The following PWWP3A variants were observed in gnomAD, a reference collection of about 807,000 sequenced individuals.
The protein encoded by PWWP3A is PWWP domain containing 3A, DNA repair factor.
Under a neutral mutation model 79.0 loss-of-function variants are expected in PWWP3A, and 53 were observed. That is an observed-to-expected ratio of 0.67 (90% CI 0.54 to 0.84). The LOEUF (loss-of-function observed/expected upper bound fraction) is 0.84, where lower values mean the gene tolerates loss of function less well. PWWP3A is among the 40% of genes least tolerant of loss of function. PWWP3A has a pLI of 0.00. For synonymous variants in PWWP3A, 443 were observed against 394.4 expected (o/e 1.12, Z -1.46); for missense variants, 973 against 948.0 (o/e 1.03, Z -0.35).
chr19:1,356,477 G>A, intron 2 of PWWP3A, 28 bp downstream of exon 2: 1 of 1,610,652 alleles, frequency 6.2e-7, no homozygotes, highest in Admixed American at 1.7e-5. Context: ...GTAACTTCAG[G>A]ACTTAGAAAT....
intron 13 of PWWP3A, among the ~76,000 whole-genome samples, chr19:1,375,807 T>A (rs1376680122): frequency 1.8e-5 from 1 of 54,366 alleles, no homozygotes; most frequent in Non-Finnish European, 4.0e-5. Flanking sequence ...TATGTATTTA[T>A]TTATTTTTTT....
At chr19:1,362,933 A>G (rs2082051545) in intron 6 of PWWP3A, among the ~76,000 whole-genome samples, 1 of 152,366 alleles carries the variant, frequency 6.6e-6, no homozygotes, top group East Asian at 1.9e-4. Flanking sequence ...TTCGCAAACC[A>G]AGTCACAAGA....
At chr19:1,374,986 C>T (rs759186473) in intron 13 of PWWP3A, among the ~76,000 whole-genome samples, 31 of 151,612 alleles carry the variant, frequency 2.0e-4, no homozygotes, top group Admixed American at 4.0e-4. Context: ...TTTGGGAGGC[C>T]GAGGCAGGTG....
chr19:1,357,929 T>G (rs2081918118), intron 3 of PWWP3A: 2 of 163,432 alleles, frequency 1.2e-5, no homozygotes, highest in Admixed American at 6.2e-5. Flanking sequence ...GAGCTGCCTC[T>G]GAAGCTCGCT....
intron 3 of PWWP3A, chr19:1,357,941 G>C (rs971137963): frequency 6.1e-6 from 1 of 163,936 alleles, no homozygotes; most frequent in African/African-American, 2.4e-5. Flanking sequence ...AAGCTCGCTT[G>C]GTCCCTAGCT....
At position 1,376,818 on chromosome 19, in the gene PWWP3A, G is replaced by GT. The variant is rs2082413503; in HGVS notation, c.*244dup. 2.3e-6 allele frequency: 1 copy of GT among 443,272 alleles called. No homozygotes were observed. Among genetic ancestry groups the GT allele is most frequent in the Admixed American group, 4.1e-5 (1 of 24,510 alleles). 27.5% of individuals were successfully genotyped at this position (443,272 alleles called of 1,614,324 possible). On this transcript the variant is annotated 3_prime_UTR_variant, in exon 14 of 14. Transcript: ENST00000591337. ...TTTTTGGCATTTTTTACAAGATACC[G>GT]TTCGGGAAAGGCTTTTGAAAGGACG... is the stretch of plus-strand genomic sequence containing the variant.
Position 1,369,531 on chromosome 19 carries a change from T to G in PWWP3A, c.1499-65T>G. On this transcript the variant is annotated intron_variant, in intron 10 of 13. Transcript: ENST00000591337. The surrounding 1 kb of genome is among the most constrained non-coding windows in gnomAD (Gnocchi z 4.0). ...TAAACAGAGACGCCGGGCCAGCCCC[T>G]GGAACACACTTCCTGGGACTCCTCT... The G allele has an allele frequency of 6.3e-7, 1 of 1,580,630 alleles. No homozygotes were observed. Among genetic ancestry groups the G allele is most frequent in the South Asian group, 1.1e-5 (1 of 90,458 alleles).
intron 6 of PWWP3A, among the ~76,000 whole-genome samples, 162 bp downstream of exon 6, chr19:1,362,513 G>A (rs577816535): frequency 2.0e-5 from 3 of 152,300 alleles, no homozygotes; most frequent in South Asian, 2.1e-4. Context: ...GAAGTGTCAC[G>A]TTTTCAGTCC....
Position 1,368,707 on chromosome 19 carries a change from G to T in PWWP3A, c.1423-558G>T, listed in dbSNP as rs2082180575. ...TTAGAGCAGCCCAGGTGCTGGCCTA[G>T]CCTGGCTGCAGACGATAGCTCCCAA... On this transcript the variant is annotated intron_variant, in intron 9 of 13. Transcript: ENST00000591337. The surrounding 1 kb of genome is among the most constrained non-coding windows in gnomAD (Gnocchi z 4.7). Among the ~76,000 whole-genome samples the T allele has an allele frequency of 6.6e-6, 1 of 152,210 alleles. No individual in the cohort carries two copies. The highest frequency in any genetic ancestry group is 1.5e-5 in the Non-Finnish European group (1 of 68,040).
In PWWP3A at chr19:1,362,333, A is replaced by C; in HGVS notation, c.1195A>C (p.Arg399=). ...EEDEEDEEPP[R]VLLYHEPRSF... ...AGACGAGGAAGACGAGGAGCCACCAAGAGTCCTTTTATACCACGGTAAGAA... is the reference window on the plus strand; with the variant it reads ...AGACGAGGAAGACGAGGAGCCACCACGAGTCCTTTTATACCACGGTAAGAA... Residue 399 remains arginine (R), a synonymous_variant, in exon 6 of 14, where the codon AGA becomes CGA. Transcript: ENST00000591337. The C allele has an allele frequency of 6.2e-7, 1 of 1,614,072 alleles. No individual in the cohort carries two copies. The highest frequency in any genetic ancestry group is 8.5e-7 in the Non-Finnish European group (1 of 1,179,958).
At chr19:1,371,116 G>A in intron 12 of PWWP3A, 38 bp downstream of exon 12, 1 of 1,537,002 alleles carries the variant, frequency 6.5e-7, no homozygotes, top group Non-Finnish European at 8.8e-7. Flanking sequence ...GGCAGGGAGG[G>A]GCCTGCGCTG....
At position 1,361,045 on chromosome 19, in the gene PWWP3A, C is replaced by G. The variant is rs372987509; in HGVS notation, c.1111+13C>G. ...AAGCTGGAGAAAGGTAAAAGTTTCTCGTGGAGGAGGAGAGCGCAGAGGGTG... is the reference window on the plus strand; with the variant it reads ...AAGCTGGAGAAAGGTAAAAGTTTCTGGTGGAGGAGGAGAGCGCAGAGGGTG... On this transcript the variant is annotated intron_variant, in intron 5 of 13. Coordinates refer to ENST00000591337, the MANE Select transcript of PWWP3A (RefSeq NM_001369789.1). 47 of 1,423,148 alleles carry G rather than the reference C, an allele frequency of 3.3e-5. No individual in the cohort carries two copies. The highest frequency in any genetic ancestry group is 3.9e-5 in the Non-Finnish European group (42 of 1,086,412). 88.2% of individuals were successfully genotyped at this position (1,423,148 alleles called of 1,614,324 possible). A position where few individuals can be genotyped will look rare whatever the true frequency, so the allele number is the denominator to read the frequency against.
chr19:1,375,566 A>AATAATATAATTTT (rs1568965688), intron 13 of PWWP3A, among the ~76,000 whole-genome samples: 2 of 81,320 alleles, frequency 2.5e-5, no homozygotes, highest in Non-Finnish European at 4.4e-5. Context: ...TTATATATAA[A>AATAATATAATTTT]ATATATTATA....
intron 3 of PWWP3A, chr19:1,357,671 C>T (rs2144691916): frequency 6.6e-6 from 1 of 150,884 alleles, no homozygotes; most frequent in Admixed American, 6.7e-5. Flanking sequence ...AATTCCGACG[C>T]CCCAGTCAGT....
intron 5 of PWWP3A, 98 bp from the exon 6 acceptor site, chr19:1,362,152 T>C: frequency 1.0e-6 from 1 of 964,702 alleles, no homozygotes; most frequent in Non-Finnish European, 1.5e-6. Flanking sequence ...GAACCTTTTC[T>C]TTATGCATCG....
chr19:1,366,766 C>A (rs371150585), intron 8 of PWWP3A, among the ~76,000 whole-genome samples: 3 of 152,406 alleles, frequency 2.0e-5, no homozygotes, highest in East Asian at 3.9e-4. Flanking sequence ...CTGGTCGTTC[C>A]TTAGTCATGG....
In PWWP3A at chr19:1,367,079, TC is replaced by T; in HGVS notation, c.1362-80del. 2.5e-6 allele frequency: 3 copies of T among 1,180,108 alleles called. No individual in the cohort carries two copies. The South Asian group carries it at 4.1e-5, about 16-fold the overall frequency. The allele number at this position is 1,180,108 out of a possible 1,614,324, so 73.1% of individuals were successfully genotyped here. Reference sequence around the variant, plus strand: ...TGGGGCCTCCAGCGGCCTCCACTGATCTTAATCAGAGACAGGGAAAGGTTTT... The same window carrying T: ...TGGGGCCTCCAGCGGCCTCCACTGATTTAATCAGAGACAGGGAAAGGTTTT... On this transcript the variant is annotated intron_variant, in intron 8 of 13. Transcript: ENST00000591337.
intron 7 of PWWP3A, among the ~76,000 whole-genome samples, chr19:1,365,174 T>G (rs930645646): frequency 6.6e-6 from 1 of 152,248 alleles, no homozygotes; most frequent in Non-Finnish European, 1.5e-5. Context: ...TTAAATATTG[T>G]GCATTTCACC....
chr19:1,360,750 T>C lies in PWWP3A; in HGVS notation c.829T>C (p.Leu277=). The change falls in exon 5 of 14, where the codon TTG becomes CTG. Residue 277 remains leucine, a synonymous_variant. Transcript: ENST00000591337. This position sits in a 1 kb window ranked among gnomAD's most constrained non-coding sequence, Gnocchi z 4.4. ...NAEGHDPGLP[L]GSLTAPPAPE... is the part of the protein sequence containing the mutation. ...TGAGGGACACGACCCCGGTCTGCCG[T>C]TGGGCAGCCTCACTGCGCCCCCAGC... 6.2e-7 allele frequency: 1 copy of C among 1,612,350 alleles called. No individual in the cohort carries two copies. The highest frequency in any genetic ancestry group is 2.2e-5 in the East Asian group (1 of 44,868).
Sources: gnomAD v4.1 joint callset for allele counts (sites outside exome capture counted in the v4.1 genomes callset) on GRCh38, gnomAD v4.1.1 for gene constraint, Gnocchi (gnomAD v3.1) non-coding constraint, MANE v1.5 for transcripts, NCBI Gene and HGNC (gene_info 2026-07-23, HGNC 2026-07-21) for gene names.